RPH3AL: variants seen among roughly 807,000 people sequenced by gnomAD.
RPH3AL encodes the protein rab effector Noc2.
RPH3AL carries 38 observed loss-of-function variants against 43.1 expected under a neutral mutation model. The ratio of observed to expected loss-of-function variants is 0.88; its 90% CI spans 0.68 to 1.15. The LOEUF (loss-of-function observed/expected upper bound fraction) is 1.15, where lower values mean the gene tolerates loss of function less well. Among genes scored for constraint, RPH3AL ranks in the 50% most tolerant of loss-of-function variants. The pLI is 0.00. For synonymous variants in RPH3AL, 189 were observed against 176.3 expected (o/e 1.07, Z -0.57); for missense variants, 462 against 423.2 (o/e 1.09, Z -0.81).
chr17:313,584 G>A (rs2043707232), intron 5 of RPH3AL, among the ~76,000 whole-genome samples: 1 of 152,166 alleles, frequency 6.6e-6, no homozygotes, highest in Non-Finnish European at 1.5e-5. Flanking sequence ...GGCCCCCTAA[G>A]CCTCTCCCTA....
At chr17:214,245 T>G (rs1000812692) in intron 9 of RPH3AL, among the ~76,000 whole-genome samples, 1 of 152,170 alleles carries the variant, frequency 6.6e-6, no homozygotes, top group African/African-American at 2.4e-5. Flanking sequence ...CCCAGGTTGT[T>G]TCTTAAGCCC....
At chr17:321,494 C>T (rs1050226757) in intron 3 of RPH3AL, 79 bp from the exon 4 acceptor site, 12 of 1,422,716 alleles carry the variant, frequency 8.4e-6, no homozygotes, top group Middle Eastern at 1.9e-4. Context: ...CCACCAAGCC[C>T]CCCCGAGAAC....
intron 1 of RPH3AL, among the ~76,000 whole-genome samples, chr17:345,714 G>A (rs1184657760): frequency 8.1e-6 from 1 of 122,886 alleles, no homozygotes; most frequent in African/African-American, 2.7e-5. Flanking sequence ...CTCCCCATCT[G>A]CGTGCATACC....
Position 286,913 on chromosome 17 carries a change from T to TCTCTCTCCACCGTCAGACCTTGCACC in RPH3AL, c.352-5060_352-5059insGGTGCAAGGTCTGACGGTGGAGAGAG, listed in dbSNP as rs2042927757. 5.4e-5 allele frequency among the ~76,000 whole-genome samples: 5 copies of TCTCTCTCCACCGTCAGACCTTGCACC among 92,222 alleles called. 1 individual carries two copies. The highest frequency in any genetic ancestry group is 1.9e-4 in the African/African-American group (5 of 25,662). The allele number at this position is 92,222 out of a possible 152,430, so 60.5% of individuals were successfully genotyped here. A position where few individuals can be genotyped will look rare whatever the true frequency, so the allele number is the denominator to read the frequency against. ...CTCCAGGCTTTCAGACCTCGCACCC[T>TCTCTCTCCACCGTCAGACCTTGCACC]CTCTCTCCACCGTCAGACCTCGCAC... On this transcript the variant is annotated intron_variant, in intron 5 of 9. Transcript: ENST00000331302.
chr17:339,950 T>A (rs924683862), intron 1 of RPH3AL, among the ~76,000 whole-genome samples: 1 of 152,126 alleles, frequency 6.6e-6, no homozygotes, highest in African/African-American at 2.4e-5. Context: ...CTGGGACCTG[T>A]GGGACCTCAG....
intron 6 of RPH3AL, among the ~76,000 whole-genome samples, chr17:266,220 G>GTGAT (rs2042318094): frequency 6.6e-6 from 1 of 152,086 alleles, no homozygotes; most frequent in African/African-American, 2.4e-5. Flanking sequence ...GTGTGTGTGT[G>GTGAT]TGTGTGTGTG....
intron 2 of RPH3AL, chr17:332,956 T>A: frequency 8.3e-7 from 1 of 1,205,156 alleles, no homozygotes; most frequent in Non-Finnish European, 1.1e-6. Flanking sequence ...GGAACAGGAG[T>A]TGCCGGTGAT....
intron 5 of RPH3AL, among the ~76,000 whole-genome samples, chr17:311,575 C>T (rs1383653376): frequency 1.3e-5 from 2 of 152,182 alleles, no homozygotes; most frequent in African/African-American, 2.4e-5. Context: ...GTGAGGGAAG[C>T]GATTATTCTG....
chr17:318,469 A>G (rs1053649130), intron 5 of RPH3AL, among the ~76,000 whole-genome samples: 14 of 152,192 alleles, frequency 9.2e-5, no homozygotes, highest in Non-Finnish European at 1.6e-4. Context: ...AAAGAGGAAG[A>G]CATGGTGTCT....
Position 324,886 on chromosome 17 carries a change from C to T in RPH3AL, c.77+2581G>A, listed in dbSNP as rs796772491. 5.9e-5 allele frequency among the ~76,000 whole-genome samples: 9 copies of T among 152,132 alleles called. 1 individual carries two copies. The highest frequency in any genetic ancestry group is 4.1e-4 in the South Asian group (2 of 4,826). On this transcript the variant is annotated intron_variant, in intron 3 of 9. Coordinates refer to ENST00000331302, the MANE Select transcript of RPH3AL (RefSeq NM_006987.4). ...GATCACAGGCATGTGCCACTACACC[C>T]GGCTAATTTTTTGTATTTTTAGTAG...
At chr17:277,862 G>A (rs1446235257) in intron 6 of RPH3AL, among the ~76,000 whole-genome samples, 5 of 152,118 alleles carry the variant, frequency 3.3e-5, no homozygotes, top group African/African-American at 1.2e-4. Context: ...GGCTGAGGGG[G>A]GAGGGTTGTT....
rs1371572448 is a variant in RPH3AL, at chr17:322,227, G to A, written c.78-812C>T. 6.6e-6 allele frequency: 1 copy of A among 152,202 alleles called. No homozygotes were observed. The highest frequency in any genetic ancestry group is 6.6e-5 in the Admixed American group (1 of 15,260). The allele number at this position is 152,202 out of a possible 1,614,324, so 9.4% of individuals were successfully genotyped here. Reference sequence around the variant, plus strand: ...CTCCTGAGGCTGCAAATGGGGCGGGGGAAGGACTCAAACTCCTTCTATTTT... The same window carrying A: ...CTCCTGAGGCTGCAAATGGGGCGGGAGAAGGACTCAAACTCCTTCTATTTT... On this transcript the variant is annotated intron_variant, in intron 3 of 9. Coordinates refer to ENST00000331302, the MANE Select transcript of RPH3AL (RefSeq NM_006987.4). The surrounding 1 kb of genome is among the most constrained non-coding windows in gnomAD (Gnocchi z 4.0).
intron 5 of RPH3AL, among the ~76,000 whole-genome samples, chr17:302,518 G>A (rs151166403): frequency 2.6e-5 from 4 of 152,326 alleles, no homozygotes; most frequent in Non-Finnish European, 5.9e-5. Flanking sequence ...GGAAGCCATC[G>A]GAGCCACACT....
Position 321,479 on chromosome 17 carries a change from C to T in RPH3AL, c.78-64G>A, listed in dbSNP as rs930295083. 2.6e-5 allele frequency: 39 copies of T among 1,476,756 alleles called. No homozygotes were observed. The African/African-American group carries it at 3.8e-4, about 15-fold the overall frequency. The allele number at this position is 1,476,756 out of a possible 1,614,324, so 91.5% of individuals were successfully genotyped here. A position where few individuals can be genotyped will look rare whatever the true frequency, so the allele number is the denominator to read the frequency against. On this transcript the variant is annotated intron_variant, in intron 3 of 9. Transcript: ENST00000331302. Reference sequence around the variant, plus strand: ...CGGTGCAAACTCCGGCAGCCCCTACCACATCCACCAAGCCCCCCCGAGAAC... The same window carrying T: ...CGGTGCAAACTCCGGCAGCCCCTACTACATCCACCAAGCCCCCCCGAGAAC...
chr17:320,366 T>C (rs1474551740), intron 4 of RPH3AL, among the ~76,000 whole-genome samples: 1 of 152,032 alleles, frequency 6.6e-6, no homozygotes, highest in African/African-American at 2.4e-5. Flanking sequence ...CCGGGCAGGG[T>C]GGCTCATGCC....
chr17:229,240 G>C (rs1469564348), intron 7 of RPH3AL, among the ~76,000 whole-genome samples: 1 of 152,126 alleles, frequency 6.6e-6, no homozygotes, highest in East Asian at 1.9e-4. Context: ...ACCAATGCCT[G>C]CCTCAACTTC....
chr17:317,771 C>G (rs976391113), intron 5 of RPH3AL, among the ~76,000 whole-genome samples: 1 of 152,172 alleles, frequency 6.6e-6, no homozygotes, highest in East Asian at 1.9e-4. Flanking sequence ...TTCACTGTAC[C>G]TTTGGTTTTC....
At chr17:248,862 C>A (rs373663464) in intron 6 of RPH3AL, among the ~76,000 whole-genome samples, 1 of 152,256 alleles carries the variant, frequency 6.6e-6, no homozygotes, top group East Asian at 1.9e-4. Flanking sequence ...CAAAGGGCAC[C>A]CAGAAGGTGT....
At chr17:220,396 T>C (rs1443150156) in intron 7 of RPH3AL, among the ~76,000 whole-genome samples, 1 of 145,770 alleles carries the variant, frequency 6.9e-6, no homozygotes, top group Non-Finnish European at 1.5e-5. Context: ...ACTGAGACAA[T>C]AGACCCAAGC....
Sources: allele counts gnomAD v4.1 joint callset (sites outside exome capture counted in the v4.1 genomes callset), GRCh38; gene constraint gnomAD v4.1.1; non-coding constraint Gnocchi (gnomAD v3.1); transcripts MANE v1.5; gene names NCBI Gene and HGNC (gene_info 2026-07-23, HGNC 2026-07-21).